Variants in HSD17B12 observed in about 807,000 individuals in gnomAD.
The protein encoded by HSD17B12 is very-long-chain 3-oxoacyl-CoA reductase.
In HSD17B12, 32 loss-of-function variants were observed where a neutral mutation model predicts 39.3. The observed-to-expected ratio is 0.81, with a 90% CI of 0.61 to 1.09. The LOEUF is 1.09. Among genes scored for constraint, HSD17B12 ranks in the 50% least tolerant of loss-of-function variants. The pLI is 0.00. For missense variants in HSD17B12, 342 were observed against 382.9 expected (o/e 0.89, Z 0.89); for synonymous variants, 150 against 146.7 (o/e 1.02, Z -0.16).
intron 1 of HSD17B12, among the ~76,000 whole-genome samples, chr11:43,740,066 A>G (rs746144855): frequency 5.3e-5 from 8 of 152,194 alleles, no homozygotes; most frequent in Non-Finnish European, 1.0e-4. Context: ...GAGATGAATG[A>G]TGGTAGCTCT....
rs562989670 is a variant in HSD17B12, at chr11:43,842,105, A to G, written c.684+2041A>G. Among the ~76,000 whole-genome samples the G allele has an allele frequency of 3.9e-5, 6 of 152,320 alleles. No individual in the cohort carries two copies. The East Asian group carries it at 1.2e-3, about 29-fold the overall frequency. On this transcript the variant is annotated intron_variant, in intron 9 of 10. Coordinates refer to ENST00000278353, the MANE Select transcript of HSD17B12 (RefSeq NM_016142.3). ...TCTTAACCACTAGGCTACTTGCTCC[A>G]GGCCTGTAAGTCAACATTGAACACT...
At chr11:43,697,813 A>G (rs1279869863) in intron 1 of HSD17B12, among the ~76,000 whole-genome samples, 1 of 152,200 alleles carries the variant, frequency 6.6e-6, no homozygotes, top group Non-Finnish European at 1.5e-5. Flanking sequence ...GAGGCAATAG[A>G]TAAGACTAGA....
At chr11:43,795,550 C>T (rs1313533210) in intron 3 of HSD17B12, among the ~76,000 whole-genome samples, 3 of 152,140 alleles carry the variant, frequency 2.0e-5, no homozygotes, top group Non-Finnish European at 2.9e-5. Context: ...GGAAAGGAAA[C>T]GTGGTGGGAG....
the HSD17B12 span, among the ~76,000 whole-genome samples, chr11:43,610,267 A>G: frequency 2.0e-5 from 3 of 152,230 alleles, no homozygotes; most frequent in Non-Finnish European, 4.4e-5. Context: ...AAACAGTTAT[A>G]TCTTATGCAT....
chr11:43,753,621 C>T (rs1012570816), intron 2 of HSD17B12, among the ~76,000 whole-genome samples: 2 of 150,676 alleles, frequency 1.3e-5, no homozygotes, highest in South Asian at 4.2e-4. Flanking sequence ...ACTATGTTGC[C>T]CAGGATGGTT....
At chr11:43,690,093 CT>C (rs1396681541) in intron 1 of HSD17B12, among the ~76,000 whole-genome samples, 1 of 151,748 alleles carries the variant, frequency 6.6e-6, no homozygotes, top group Non-Finnish European at 1.5e-5. Context: ...GGAACCGCCC[CT>C]CCTACCTATA....
the HSD17B12 span, among the ~76,000 whole-genome samples, chr11:43,586,300 G>A: frequency 1.8e-4 from 27 of 152,320 alleles, no homozygotes; most frequent in South Asian, 1.5e-3. Context: ...CTCATCTCTT[G>A]TCTCTGACAT....
At chr11:43,584,785 T>C in the HSD17B12 span, 5 of 152,292 alleles carry the variant, frequency 3.3e-5, no homozygotes, top group African/African-American at 1.2e-4. Context: ...GATCCAGTGA[T>C]TGGAGACTGT....
intron 6 of HSD17B12, among the ~76,000 whole-genome samples, chr11:43,828,859 T>A (rs72894476): frequency 0.013 from 1,913 of 152,350 alleles, 13 homozygotes; most frequent in Non-Finnish European, 0.022. Flanking sequence ...AAATTTAATT[T>A]GATCTGAATA....
intron 1 of HSD17B12, among the ~76,000 whole-genome samples, chr11:43,713,694 A>G (rs1950092589): frequency 6.6e-6 from 1 of 152,190 alleles, no homozygotes; most frequent in Admixed American, 6.5e-5. Flanking sequence ...TCCCTGAGGA[A>G]TCGCCACACT....
At position 43,758,989 on chromosome 11, in the gene HSD17B12, C is replaced by T. The variant is rs1198993305; in HGVS notation, c.283+4868C>T. Among the ~76,000 whole-genome samples, 9 of 152,288 alleles carry T rather than the reference C, an allele frequency of 5.9e-5. No homozygotes were observed. The South Asian group carries it at 1.0e-3, about 18-fold the overall frequency. On this transcript the variant is annotated intron_variant, in intron 3 of 10. Coordinates refer to ENST00000278353, the MANE Select transcript of HSD17B12 (RefSeq NM_016142.3). ...TGTGATCCTACTCCTGAAACTAATT[C>T]GTGGATCAGGCAGCGCCCAGTCAGG...
chr11:43,680,195 TC>T, upstream of HSD17B12, among the ~76,000 whole-genome samples: 1 of 151,674 alleles, frequency 6.6e-6, no homozygotes, highest in Admixed American at 6.6e-5. Context: ...TGCCTCAGCC[TC>T]CCGAGTAGCT....
intron 1 of HSD17B12, among the ~76,000 whole-genome samples, chr11:43,692,411 A>G (rs1346551147): frequency 6.6e-6 from 1 of 152,216 alleles, no homozygotes; most frequent in East Asian, 1.9e-4. Flanking sequence ...TGTATAGTGC[A>G]CTGAGATCAA....
intron 6 of HSD17B12, among the ~76,000 whole-genome samples, chr11:43,816,711 C>T (rs1446562286): frequency 6.6e-6 from 1 of 151,680 alleles, no homozygotes; most frequent in Non-Finnish European, 1.5e-5. Flanking sequence ...TTTTGGTGCA[C>T]CCATCACTCA....
chr11:43,563,125 T>C, the HSD17B12 span, among the ~76,000 whole-genome samples: 2 of 152,140 alleles, frequency 1.3e-5, no homozygotes, highest in Non-Finnish European at 2.9e-5. Context: ...CAGAAGAAAG[T>C]AATCCCTTAC....
the HSD17B12 span, chr11:43,645,552 G>A: frequency 3.3e-5 from 5 of 152,292 alleles, no homozygotes; most frequent in Non-Finnish European, 7.4e-5. Context: ...AGTAAAAATT[G>A]TATTCCATTT....
the HSD17B12 span, among the ~76,000 whole-genome samples, chr11:43,615,977 T>C: frequency 3.9e-5 from 6 of 152,182 alleles, no homozygotes; most frequent in African/African-American, 1.4e-4. Context: ...CCTTTAAGTG[T>C]GGTTATTTGT....
intron 9 of HSD17B12, among the ~76,000 whole-genome samples, chr11:43,847,612 C>T (rs944507127): frequency 9.4e-5 from 14 of 148,464 alleles, no homozygotes; most frequent in Admixed American, 6.9e-4. Context: ...GAAGCTGAGA[C>T]AGGAGAATCA....
chr11:43,760,412 C>A (rs899540522), intron 3 of HSD17B12, among the ~76,000 whole-genome samples: 4 of 152,142 alleles, frequency 2.6e-5, no homozygotes, highest in African/African-American at 9.6e-5. Context: ...CTGCATATTT[C>A]TTTCTTGGAT....
Sources: allele counts gnomAD v4.1 joint callset (sites outside exome capture counted in the v4.1 genomes callset), GRCh38; gene constraint gnomAD v4.1.1; transcripts MANE v1.5; gene names NCBI Gene and HGNC (gene_info 2026-07-23, HGNC 2026-07-21).